The following OPCML variants were observed in gnomAD, a reference collection of about 807,000 sequenced individuals.
OPCML encodes opioid-binding protein/cell adhesion molecule.
A neutral mutation model predicts 37.8 loss-of-function variants in OPCML; 13 were observed. The observed-to-expected ratio is 0.34, with a 90% CI of 0.22 to 0.55. The LOEUF (loss-of-function observed/expected upper bound fraction) is 0.55, where lower values mean the gene tolerates loss of function less well. Among genes scored for constraint, OPCML ranks in the 20% least tolerant of loss-of-function variants. The pLI is 0.91. For missense variants in OPCML, 341 were observed against 435.6 expected (o/e 0.78, Z 1.93); for synonymous variants, 176 against 168.8 (o/e 1.04, Z -0.33).
chr11:132,658,480 C>T (rs535637566), intron 2 of OPCML, among the ~76,000 whole-genome samples: 2 of 152,184 alleles, frequency 1.3e-5, no homozygotes, highest in Non-Finnish European at 2.9e-5. Flanking sequence ...ACCTGGCCTG[C>T]ATGGCTCAGG....
intron 2 of OPCML, among the ~76,000 whole-genome samples, chr11:132,878,968 G>C (rs1471465945): frequency 6.6e-6 from 1 of 152,156 alleles, no homozygotes; most frequent in African/African-American, 2.4e-5. Flanking sequence ...GCCTCAGAGG[G>C]GAATTGAGTA....
rs928743500 is a variant in OPCML, at chr11:132,723,371, G to T, written c.147-66052C>A. On this transcript the variant is annotated intron_variant, in intron 2 of 7. Transcript: ENST00000524381. ...AAGAGCATGGGCTTTGAGCCAAGCA[G>T]ATTTGGGGTGATATCTGGGCTCTGC... 2.6e-5 allele frequency among the ~76,000 whole-genome samples: 4 copies of T among 152,202 alleles called. No homozygotes were observed. The South Asian group carries it at 8.3e-4, about 32-fold the overall frequency.
intron 4 of OPCML, among the ~76,000 whole-genome samples, chr11:132,528,692 C>T (rs2096315159): frequency 6.6e-6 from 1 of 152,182 alleles, no homozygotes; most frequent in Non-Finnish European, 1.5e-5. Context: ...CACAATAATG[C>T]CAAAGTTCTC....
chr11:132,655,038 C>T (rs918244615), intron 3 of OPCML, among the ~76,000 whole-genome samples: 1 of 152,192 alleles, frequency 6.6e-6, no homozygotes, highest in South Asian at 2.1e-4. Context: ...CCCAAGGGAT[C>T]GCTCAGCATG....
intron 1 of OPCML, among the ~76,000 whole-genome samples, chr11:133,031,351 G>T (rs1397466112): frequency 6.6e-6 from 1 of 151,924 alleles, no homozygotes; most frequent in Non-Finnish European, 1.5e-5. Context: ...GTATGAATGG[G>T]TGGATAGATG....
chr11:132,656,292 A>C (rs370686293), intron 3 of OPCML, among the ~76,000 whole-genome samples: 3 of 152,230 alleles, frequency 2.0e-5, no homozygotes, highest in Admixed American at 2.0e-4. Context: ...TGCTATCTGC[A>C]TGTGTTTTTA....
At chr11:133,025,795 G>T (rs1321369252) in intron 1 of OPCML, among the ~76,000 whole-genome samples, 8 of 146,684 alleles carry the variant, frequency 5.5e-5, no homozygotes, top group African/African-American at 7.6e-5. Context: ...GTGCAGTGGT[G>T]CGATCTTGGC....
chr11:132,926,892 AAAGAAT>A (rs1357380876), intron 2 of OPCML, among the ~76,000 whole-genome samples: 1 of 152,144 alleles, frequency 6.6e-6, no homozygotes, highest in African/African-American at 2.4e-5. Flanking sequence ...AATAATAGAA[AAAGAAT>A]AAGAAAACAA....
chr11:132,677,236 C>T (rs557585981), intron 2 of OPCML, among the ~76,000 whole-genome samples: 48 of 152,048 alleles, frequency 3.2e-4, no homozygotes, highest in African/African-American at 9.6e-4. Context: ...AACTGATGAA[C>T]AAAATGAAAG....
At chr11:133,403,205 A>G (rs1230852115) in intron 1 of OPCML, among the ~76,000 whole-genome samples, 1 of 152,220 alleles carries the variant, frequency 6.6e-6, no homozygotes, top group Non-Finnish European at 1.5e-5. Context: ...CATTAGTGAC[A>G]TGGACTTACC....
chr11:133,394,058 A>T (rs1321800726), intron 1 of OPCML, among the ~76,000 whole-genome samples: 1 of 152,086 alleles, frequency 6.6e-6, no homozygotes, highest in Non-Finnish European at 1.5e-5. Context: ...AGCCCCTCAT[A>T]TGCAACATGT....
chr11:133,486,593 G>A (rs7927989), intron 1 of OPCML, among the ~76,000 whole-genome samples: 54,167 of 151,870 alleles, frequency 0.36, 12,653 homozygotes, highest in African/African-American at 0.66. Flanking sequence ...AGCTCTCTTA[G>A]CAGCCTCTTC....
At chr11:133,512,069 A>G (rs1052503244) in intron 1 of OPCML, among the ~76,000 whole-genome samples, 2 of 152,174 alleles carry the variant, frequency 1.3e-5, no homozygotes, top group African/African-American at 4.8e-5. Flanking sequence ...GATGAACACC[A>G]GCTGGGTGTT....
chr11:133,372,008 C>T (rs1944685610), intron 1 of OPCML, among the ~76,000 whole-genome samples: 1 of 151,824 alleles, frequency 6.6e-6, no homozygotes. Context: ...TGATAGATAC[C>T]AGAGGCTGAG....
intron 3 of OPCML, among the ~76,000 whole-genome samples, chr11:132,604,621 CCCCAAGCCA>C (rs956787408): frequency 2.6e-5 from 4 of 152,170 alleles, no homozygotes; most frequent in African/African-American, 9.7e-5. Context: ...TATCCTCTTC[CCCCAAGCCA>C]CCTCTCTTCA....
At chr11:133,457,833 C>T (rs1946705107) in intron 1 of OPCML, among the ~76,000 whole-genome samples, 1 of 152,028 alleles carries the variant, frequency 6.6e-6, no homozygotes, top group African/African-American at 2.4e-5. Context: ...AAAGAAACAA[C>T]ACTCAAAACT....
intron 3 of OPCML, among the ~76,000 whole-genome samples, chr11:132,546,841 C>T (rs1044675514): frequency 1.3e-5 from 2 of 152,210 alleles, no homozygotes. Flanking sequence ...AATATGACTG[C>T]TCTCATACAC....
Position 132,663,124 on chromosome 11 carries a change from C to T in OPCML, c.147-5805G>A, listed in dbSNP as rs192692199. ...CGGATAATACCAAAGATCCTAGACT[C>T]TTCATAGAGCTTACATCACTGAATT... On this transcript the variant is annotated intron_variant, in intron 2 of 7. Transcript: ENST00000524381. 1.1e-3 allele frequency among the ~76,000 whole-genome samples: 167 copies of T among 152,314 alleles called. 1 individual carries two copies. Among genetic ancestry groups the T allele is most frequent in the African/African-American group, 3.9e-3 (162 of 41,566 alleles).
At chr11:133,448,413 T>C (rs986482012) in intron 1 of OPCML, among the ~76,000 whole-genome samples, 2 of 152,148 alleles carry the variant, frequency 1.3e-5, no homozygotes, top group Non-Finnish European at 2.9e-5. Flanking sequence ...TCTAACCTTG[T>C]CCCGGTACCA....
Sources: gnomAD v4.1 joint callset for allele counts (sites outside exome capture counted in the v4.1 genomes callset) on GRCh38, gnomAD v4.1.1 for gene constraint, MANE v1.5 for transcripts, NCBI Gene and HGNC (gene_info 2026-07-23, HGNC 2026-07-21) for gene names.